Variants in PHLDB1 observed in about 807,000 individuals in gnomAD.
PHLDB1 encodes pleckstrin homology-like domain family B member 1.
In PHLDB1, 65 loss-of-function variants were observed where a neutral mutation model predicts 139.3. That is an observed-to-expected ratio of 0.47 (90% CI 0.38 to 0.57). PHLDB1 has a LOEUF of 0.57. Among genes scored for constraint, PHLDB1 ranks in the 20% least tolerant of loss-of-function variants. The probability of loss-of-function intolerance (pLI) is 0.00; values close to 1 mark genes in which losing one functional copy is unlikely to be tolerated. For missense variants in PHLDB1, 1,624 were observed against 1,839.7 expected, an observed-to-expected ratio of 0.88 and a Z score of 2.14; for synonymous variants, 679 against 734.5, an observed-to-expected ratio of 0.92 and a Z score of 1.22.
At chr11:118,630,484 G>A (rs567972930) in intron 6 of PHLDB1, among the ~76,000 whole-genome samples, 168 of 152,330 alleles carry the variant, frequency 1.1e-3, no homozygotes, top group Non-Finnish European at 2.0e-3. Context: ...AAAGAGGGCC[G>A]TGTCCTTGGT....
At position 118,611,985 on chromosome 11, in the gene PHLDB1, T is replaced by G. The variant is rs1940492474; in HGVS notation, c.-21-1831T>G. Among the ~76,000 whole-genome samples, 6 of 152,162 alleles carry G rather than the reference T, an allele frequency of 3.9e-5. No homozygotes were observed. Among genetic ancestry groups the G allele is most frequent in the Admixed American group, 3.9e-4 (6 of 15,280 alleles). On this transcript the variant is annotated intron_variant, in intron 1 of 22. Transcript: ENST00000600882. The surrounding 1 kb of genome is among the most constrained non-coding windows in gnomAD (Gnocchi z 4.7). ...CTATAACATCCACCCAATTTAAGTA[T>G]GCAATTAAAAGATTTTTAGTATATT... is the stretch of plus-strand genomic sequence containing the variant.
chr11:118,649,599 G>A (rs1555133812), intron 18 of PHLDB1, among the ~76,000 whole-genome samples: 2 of 152,182 alleles, frequency 1.3e-5, no homozygotes, highest in African/African-American at 2.4e-5. Flanking sequence ...ATTCTAGTTA[G>A]TATCAGAGGT....
chr11:118,616,386 A>AT (rs1433260577), intron 4 of PHLDB1, among the ~76,000 whole-genome samples, 175 bp downstream of exon 4: 2 of 152,156 alleles, frequency 1.3e-5, no homozygotes, highest in African/African-American at 4.8e-5. Context: ...CCCTTTCAGC[A>AT]TCCAGACATG....
At chr11:118,643,544 G>C (rs1946934372) in intron 13 of PHLDB1, 2 of 985,228 alleles carry the variant, frequency 2.0e-6, no homozygotes, top group Admixed American at 6.1e-5. Flanking sequence ...TCCTTGCATG[G>C]GTCTGTTTAC....
intron 4 of PHLDB1, 34 bp from the exon 5 acceptor site, chr11:118,624,900 A>T (rs1555099370): frequency 6.2e-7 from 1 of 1,612,880 alleles, no homozygotes; most frequent in East Asian, 2.2e-5. Flanking sequence ...GTGAGCCACC[A>T]CACCTGGTCT....
Position 118,645,389 on chromosome 11 carries a change from T to G in PHLDB1, c.3155T>G (p.Leu1052Arg), listed in dbSNP as rs770723253. The G allele has an allele frequency of 2.6e-6, 4 of 1,521,002 alleles. No homozygotes were observed. Among genetic ancestry groups the G allele is most frequent in the Non-Finnish European group, 3.5e-6 (4 of 1,134,546 alleles). 94.2% of individuals were successfully genotyped at this position (1,521,002 alleles called of 1,614,324 possible). A position where few individuals can be genotyped will look rare whatever the true frequency, so the allele number is the denominator to read the frequency against. Residue 1052 changes from leucine (L) to arginine (R), a missense_variant, in exon 16 of 23, where the codon CTG becomes CGG. Leu to Arg is a moderately radical substitution (Grantham distance 102). Coordinates refer to ENST00000600882, the MANE Select transcript of PHLDB1 (RefSeq NM_001144758.3). The surrounding 1 kb of genome is among the most constrained non-coding windows in gnomAD (Gnocchi z 5.1). ...QQVIEEQRRR[L>R]AELKQKAAAE... is the part of the protein sequence containing the mutation. Reference sequence around the variant, plus strand: ...GTGATTGAAGAGCAGCGGCGGCGACTGGCTGAGCTGAAGCAGAAAGCGGCA... The same window carrying G: ...GTGATTGAAGAGCAGCGGCGGCGACGGGCTGAGCTGAAGCAGAAAGCGGCA...
intron 18 of PHLDB1, among the ~76,000 whole-genome samples, chr11:118,648,770 G>A (rs189141009): frequency 6.6e-6 from 1 of 152,254 alleles, no homozygotes; most frequent in East Asian, 1.9e-4. Context: ...GTTTGGGCTG[G>A]GAAATCTGCC....
At position 118,645,623 on chromosome 11, in the gene PHLDB1, C is replaced by T. The variant is rs141290505; in HGVS notation, c.3389C>T (p.Ser1130Leu). The change falls in exon 16 of 23, where the codon TCG (serine) becomes TTG (leucine). Residue 1130 changes from serine to leucine, a missense_variant. By Grantham distance (145) the Ser-to-Leu change is moderately radical (BLOSUM62 -2). Transcript: ENST00000600882. This position sits in a 1 kb window ranked among gnomAD's most constrained non-coding sequence, Gnocchi z 5.1. ...METSISTGGN[S>L]ACSPDNMSSA... ...ACCAGCATCTCCACCGGGGGCAACT[C>T]GGCCTGCTCCCCTGACAACATGTCC... 37 of 1,612,922 alleles carry T rather than the reference C, an allele frequency of 2.3e-5. No homozygotes were observed. The South Asian group carries it at 3.2e-4, about 14-fold the overall frequency.
rs144246903 is a variant in PHLDB1, at chr11:118,628,229, T to G, written c.1406T>G (p.Leu469Arg). 2 of 1,613,792 alleles carry G rather than the reference T, an allele frequency of 1.2e-6. No individual in the cohort carries two copies. Among genetic ancestry groups the G allele is most frequent in the African/African-American group, 2.7e-5 (2 of 74,864 alleles). Residue 469 changes from leucine to arginine, a missense_variant, in exon 6 of 23, where the codon CTC becomes CGC. By Grantham distance (102) the Leu-to-Arg change is moderately radical (BLOSUM62 -2). Transcript: ENST00000600882. ...AGTCCATCTCTGTCCCGGCGAGCTC[T>G]CTCCCCGCTGCCCACCCGGACCACC... Reference protein sequence around the residue: ...PLSPSLSRRALSPLPTRTTPD... With the variant: ...PLSPSLSRRARSPLPTRTTPD...
chr11:118,609,823 A>G (rs1939820306), intron 1 of PHLDB1, among the ~76,000 whole-genome samples: 1 of 152,136 alleles, frequency 6.6e-6, no homozygotes, highest in Non-Finnish European at 1.5e-5. Context: ...AGGGGCCGCT[A>G]CCTTGCGGAA....
At chr11:118,635,327 C>T in intron 9 of PHLDB1, 66 bp from the exon 10 acceptor site, 1 of 1,503,378 alleles carries the variant, frequency 6.7e-7, no homozygotes, top group South Asian at 1.3e-5. Flanking sequence ...CCCCTGTGGC[C>T]TGGTCTTCCA....
At chr11:118,615,316 CA>C (rs1376734794) in intron 3 of PHLDB1, 1 of 152,432 alleles carries the variant, frequency 6.6e-6, no homozygotes, top group African/African-American at 2.4e-5. Context: ...GGCCCCGCTC[CA>C]GGGCATTGTC....
chr11:118,637,111 A>G (rs1555116224), intron 10 of PHLDB1: 1 of 152,128 alleles, frequency 6.6e-6, no homozygotes, highest in Non-Finnish European at 1.5e-5. Flanking sequence ...CTGGTCTGGG[A>G]GTCCAATAGA....
chr11:118,636,965 T>G (rs1945751942), intron 10 of PHLDB1: 1 of 152,180 alleles, frequency 6.6e-6, no homozygotes, highest in Admixed American at 6.5e-5. Flanking sequence ...GGGTGTCACA[T>G]TCTTCCCCAT....
At chr11:118,640,917 A>G (rs1946403851) in intron 12 of PHLDB1, 1 of 152,290 alleles carries the variant, frequency 6.6e-6, no homozygotes, top group South Asian at 2.1e-4. Flanking sequence ...GCCTTCAGAC[A>G]GTTGGTTCTG....
At chr11:118,627,207 C>G in intron 5 of PHLDB1, 98 bp from the exon 6 acceptor site, 1 of 1,231,042 alleles carries the variant, frequency 8.1e-7, no homozygotes, top group Middle Eastern at 2.0e-4. Context: ...TCTCCAGAGC[C>G]TTGTTAGCCT....
At chr11:118,617,377 T>A (rs1941858241) in intron 4 of PHLDB1, among the ~76,000 whole-genome samples, 1 of 152,164 alleles carries the variant, frequency 6.6e-6, no homozygotes, top group Non-Finnish European at 1.5e-5. Context: ...GCCATCCTAC[T>A]CACTCCACTG....
chr11:118,634,241 T>C (rs759096987), intron 9 of PHLDB1: 1 of 152,252 alleles, frequency 6.6e-6, no homozygotes, highest in East Asian at 1.9e-4. Flanking sequence ...CCCGAACTAA[T>C]TGCAACCCTC....
In PHLDB1 at chr11:118,632,404, G is replaced by C. The variant is rs1235843405; in HGVS notation, c.2379+108G>C. The C allele has an allele frequency of 1.7e-6, 2 of 1,145,942 alleles. No individual in the cohort carries two copies. Among genetic ancestry groups the C allele is most frequent in the African/African-American group, 1.5e-5 (1 of 65,400 alleles). The allele number at this position is 1,145,942 out of a possible 1,614,324, so 71.0% of individuals were successfully genotyped here. A position where few individuals can be genotyped will look rare whatever the true frequency, so the allele number is the denominator to read the frequency against. The stretch of plus-strand genomic sequence containing the variant: ...CCTTCACCTCATCATCCATTCTGCA[G>C]TACAAGTGGTCTCTGTGGCTTTCCA... On this transcript the variant is annotated intron_variant, in intron 9 of 22. Transcript: ENST00000600882. This position sits in a 1 kb window ranked among gnomAD's most constrained non-coding sequence, Gnocchi z 5.9.
Sources: allele counts gnomAD v4.1 joint callset (sites outside exome capture counted in the v4.1 genomes callset), GRCh38; gene constraint gnomAD v4.1.1; non-coding constraint Gnocchi (gnomAD v3.1); transcripts MANE v1.5; gene names NCBI Gene and HGNC (gene_info 2026-07-23, HGNC 2026-07-21).